The following EDA variants were observed in gnomAD, a reference collection of about 807,000 sequenced individuals.
The protein encoded by EDA is ectodysplasin-A.
Under a neutral mutation model 23.6 loss-of-function variants are expected in EDA, and 2 were observed. The observed-to-expected ratio is 0.08, with a 90% CI of 0.03 to 0.27. The LOEUF is 0.27. Among genes scored for constraint, EDA ranks in the 10% least tolerant of loss-of-function variants. The probability of loss-of-function intolerance (pLI) is 1.00; values close to 1 mark genes in which losing one functional copy is unlikely to be tolerated. For synonymous variants in EDA, 131 were observed against 132.0 expected (o/e 0.99, Z 0.05); for missense variants, 229 against 324.2 (o/e 0.71, Z 2.26).
chrX:69,856,611 A>C (rs1033106178), intron 1 of EDA, among the ~76,000 whole-genome samples: 4 of 110,492 alleles, frequency 3.6e-5, no homozygotes, highest in African/African-American at 1.3e-4. Context: ...TTCCCTGATA[A>C]TTTGTGATGT....
At chrX:69,823,600 C>T (rs1472523732) in intron 1 of EDA, among the ~76,000 whole-genome samples, 2 of 81,275 alleles carry the variant, frequency 2.5e-5, no homozygotes, top group Admixed American at 1.4e-4. Flanking sequence ...GATATTAGCC[C>T]TTTGTCAGAT....
chrX:69,712,863 A>G (rs2012130915), intron 1 of EDA, among the ~76,000 whole-genome samples: 1 of 111,304 alleles, frequency 9.0e-6, no homozygotes. Context: ...CATATACACC[A>G]TGGAATACTA....
At position 70,006,242 on chromosome X, in the gene EDA, G is replaced by A. The variant is rs139533220; in HGVS notation, c.503-16976G>A. Among the ~76,000 whole-genome samples, 535 of 111,836 alleles carry A rather than the reference G, an allele frequency of 4.8e-3. 4 individuals are homozygous for A. Among genetic ancestry groups the A allele is most frequent in the African/African-American group, 0.017 (520 of 30,808 alleles). On this transcript the variant is annotated intron_variant, in intron 2 of 7. Coordinates refer to ENST00000374552, the MANE Select transcript of EDA (RefSeq NM_001399.5). Reference sequence around the variant, plus strand: ...CACATTTGGGTAAATAAACACCTAGGAGCACAATTTATGGGTCATATGGTA... The same window carrying A: ...CACATTTGGGTAAATAAACACCTAGAAGCACAATTTATGGGTCATATGGTA...
At chrX:69,698,974 C>T (rs755901338) in intron 1 of EDA, among the ~76,000 whole-genome samples, 436 of 111,519 alleles carry the variant, frequency 3.9e-3, no homozygotes, top group Non-Finnish European at 7.2e-3. Flanking sequence ...CAGACAAAGA[C>T]TAGAAGATAG....
chrX:69,942,034 A>G (rs1408744244), intron 1 of EDA, among the ~76,000 whole-genome samples: 1 of 111,938 alleles, frequency 8.9e-6, no homozygotes. Flanking sequence ...CAATGATTAC[A>G]TATACAAACA....
chrX:70,022,470 G>A (rs2020048770), intron 2 of EDA, among the ~76,000 whole-genome samples: 1 of 109,296 alleles, frequency 9.1e-6, no homozygotes, highest in Non-Finnish European at 1.9e-5. Flanking sequence ...CCAAGTAGCT[G>A]GGACTACAGG....
At chrX:69,874,895 A>G (rs2017619991) in intron 1 of EDA, among the ~76,000 whole-genome samples, 1 of 112,136 alleles carries the variant, frequency 8.9e-6, no homozygotes, top group Non-Finnish European at 1.9e-5. Context: ...AATAGCTGCA[A>G]AAAAATAAAA....
At chrX:70,035,251 G>T in intron 7 of EDA, 107 bp from the exon 8 acceptor site, 4 of 943,644 alleles carry the variant, frequency 4.2e-6, no homozygotes, top group Non-Finnish European at 5.9e-6. Flanking sequence ...CATCCATGGG[G>T]TATACTAACA....
chrX:69,725,318 C>T (rs1194272852), intron 1 of EDA, among the ~76,000 whole-genome samples: 3 of 112,102 alleles, frequency 2.7e-5, no homozygotes, highest in African/African-American at 9.7e-5. Context: ...CCCATGCCCA[C>T]AGCCATACCT....
chrX:69,975,285 T>TA (rs2019301247), intron 2 of EDA, among the ~76,000 whole-genome samples: 3 of 111,393 alleles, frequency 2.7e-5, no homozygotes, highest in Non-Finnish European at 5.7e-5. Flanking sequence ...AACGCAGCTA[T>TA]AAAAAAGAAT....
chrX:69,935,812 T>C (rs1443619106), intron 1 of EDA, among the ~76,000 whole-genome samples: 1 of 109,814 alleles, frequency 9.1e-6, no homozygotes, highest in Non-Finnish European at 1.9e-5. Flanking sequence ...TTTGTCAATA[T>C]ATGTAAAATA....
At chrX:69,638,840 C>T (rs1932806895) in intron 1 of EDA, among the ~76,000 whole-genome samples, 1 of 111,448 alleles carries the variant, frequency 9.0e-6, no homozygotes, top group Non-Finnish European at 1.9e-5. Context: ...TACGTACATT[C>T]ACAATGTTGT....
chrX:69,971,400 A>G (rs937771544), intron 2 of EDA, among the ~76,000 whole-genome samples: 2 of 112,719 alleles, frequency 1.8e-5, no homozygotes, highest in African/African-American at 6.4e-5. Context: ...TCAAAGAAAT[A>G]AGAGATTATG....
chrX:69,832,577 A>G (rs142658663), intron 1 of EDA, among the ~76,000 whole-genome samples: 1 of 111,710 alleles, frequency 9.0e-6, no homozygotes, highest in Non-Finnish European at 1.9e-5. Context: ...TCTGTGAAGA[A>G]AGTCATTGGT....
intron 1 of EDA, among the ~76,000 whole-genome samples, chrX:69,902,519 AAAC>A (rs1274557614): frequency 9.0e-6 from 1 of 111,472 alleles, no homozygotes; most frequent in African/African-American, 3.3e-5. Context: ...GTCTGTAATG[AAAC>A]AACAAGCTGC....
intron 2 of EDA, among the ~76,000 whole-genome samples, chrX:69,992,325 A>G (rs2019599573): frequency 8.9e-6 from 1 of 112,177 alleles, no homozygotes; most frequent in Non-Finnish European, 1.9e-5. Context: ...GTTAAAAGGA[A>G]GAAGGCATCT....
At chrX:69,916,109 A>G (rs1309045960) in intron 1 of EDA, among the ~76,000 whole-genome samples, 1 of 111,752 alleles carries the variant, frequency 8.9e-6, no homozygotes, top group Non-Finnish European at 1.9e-5. Flanking sequence ...CTCGACCCCA[A>G]CTTCCACATC....
chrX:70,002,716 GT>G (rs1232364019), intron 2 of EDA, among the ~76,000 whole-genome samples: 1 of 112,047 alleles, frequency 8.9e-6, no homozygotes, highest in Admixed American at 9.5e-5. Context: ...CTCTTGTCCT[GT>G]TTCCTCAACT....
At chrX:69,772,269 C>T (rs1016866363) in intron 1 of EDA, among the ~76,000 whole-genome samples, 1 of 111,676 alleles carries the variant, frequency 9.0e-6, no homozygotes, top group African/African-American at 3.3e-5. Flanking sequence ...CTATCAAGTA[C>T]ATTTTATGTG....
Sources: gnomAD v4.1 joint callset for allele counts (sites outside exome capture counted in the v4.1 genomes callset) on GRCh38, gnomAD v4.1.1 for gene constraint, MANE v1.5 for transcripts, NCBI Gene and HGNC (gene_info 2026-07-23, HGNC 2026-07-21) for gene names.